The following ADGRD1 variants were observed in gnomAD, a reference collection of about 807,000 sequenced individuals.
The protein encoded by ADGRD1 is adhesion G protein-coupled receptor D1.
A neutral mutation model predicts 113.4 loss-of-function variants in ADGRD1; 77 were observed. That is an observed-to-expected ratio of 0.68 (90% CI 0.57 to 0.82). The LOEUF (loss-of-function observed/expected upper bound fraction) is 0.82. ADGRD1 is among the 40% of genes least tolerant of loss of function. The pLI, the probability that ADGRD1 is intolerant of heterozygous loss-of-function variation, is 0.00. For missense variants in ADGRD1, 1,036 were observed against 1,139.1 expected (o/e 0.91, Z 1.30); for synonymous variants, 474 against 475.0 (o/e 1.00, Z 0.03).
chr12:130,958,200 A>G (rs1356924809), intron 2 of ADGRD1, among the ~76,000 whole-genome samples: 1 of 43,742 alleles, frequency 2.3e-5, no homozygotes, highest in Non-Finnish European at 3.7e-5. Flanking sequence ...ATCCTATCCA[A>G]TCCTTTCTTT....
chr12:131,055,504 G>C (rs2137061956), intron 13 of ADGRD1, among the ~76,000 whole-genome samples: 1 of 152,290 alleles, frequency 6.6e-6, no homozygotes, highest in Non-Finnish European at 1.5e-5. Flanking sequence ...TATCTTTGAT[G>C]TGTGTTCATT....
rs573449412 is a variant in ADGRD1 at position 131,050,267 on chromosome 12, G to A, written c.1474-26534G>A. Among the ~76,000 whole-genome samples, 1 of 152,178 alleles carries A rather than the reference G, an allele frequency of 6.6e-6. No individual in the cohort carries two copies. Among genetic ancestry groups the A allele is most frequent in the East Asian group, 1.9e-4 (1 of 5,164 alleles). On this transcript the variant is annotated intron_variant, in intron 13 of 24. Transcript: ENST00000261654. The surrounding 1 kb of genome is among the most constrained non-coding windows in gnomAD (Gnocchi z 4.8). ...GAGATTCTCAGTCAGGACATCCGGT[G>A]CTATTCATAGCCAGGAAGTGCTGTT...
chr12:131,030,468 T>G (rs7314800), intron 13 of ADGRD1: 16,263 of 152,730 alleles, frequency 0.11, 1,000 homozygotes, highest in African/African-American at 0.12. Context: ...GCGCAGGCCC[T>G]TCCTCCTGAG....
chr12:130,961,937 C>G (rs1870414483), intron 2 of ADGRD1, among the ~76,000 whole-genome samples: 1 of 152,238 alleles, frequency 6.6e-6, no homozygotes. Flanking sequence ...GGAGGCACTA[C>G]TTAATTTAGA....
At chr12:130,997,458 C>T (rs1875715176) in intron 8 of ADGRD1, among the ~76,000 whole-genome samples, 1 of 122,390 alleles carries the variant, frequency 8.2e-6, no homozygotes, top group Non-Finnish European at 1.7e-5. Flanking sequence ...GGGGCGGTTG[C>T]CAGGCGGAGG....
chr12:131,003,251 C>G lies in ADGRD1; in HGVS notation c.1093C>G (p.Leu365Val), dbSNP rs1348790467. The G allele has an allele frequency of 1.2e-6, 2 of 1,614,098 alleles. No individual in the cohort carries two copies. Among genetic ancestry groups the G allele is most frequent in the East Asian group, 2.2e-5 (1 of 44,882 alleles). The change falls in exon 10 of 25, where the codon CTG becomes GTG. Residue 365 changes from leucine (L) to valine (V), a missense_variant. Coordinates refer to ENST00000261654, the MANE Select transcript of ADGRD1 (RefSeq NM_198827.5). The surrounding 1 kb of genome is among the most constrained non-coding windows in gnomAD (Gnocchi z 4.8). ...CGTCATGGGCCATGTATCCTCCAACCTGCACGGCAGCACGCCCCAGGTCAC... is the reference window on the plus strand; with the variant it reads ...CGTCATGGGCCATGTATCCTCCAACGTGCACGGCAGCACGCCCCAGGTCAC... ...DTVMGHVSSNLHGSTPQVTVE... is the reference protein window; with the variant it reads ...DTVMGHVSSNVHGSTPQVTVE...
chr12:131,070,899 G>A (rs770028507), intron 13 of ADGRD1: 1 of 519,056 alleles, frequency 1.9e-6, no homozygotes, highest in Non-Finnish European at 3.8e-6. Flanking sequence ...GGGTGAGTCT[G>A]CCATCCAGGA....
At chr12:131,001,646 A>C (rs1201925753) in intron 9 of ADGRD1, among the ~76,000 whole-genome samples, 1 of 152,230 alleles carries the variant, frequency 6.6e-6, no homozygotes, top group Non-Finnish European at 1.5e-5. Flanking sequence ...TCTGCCATGC[A>C]AAGTCCAGAG....
chr12:131,082,439 C>T, intron 14 of ADGRD1, among the ~76,000 whole-genome samples: 1 of 152,194 alleles, frequency 6.6e-6, no homozygotes, highest in African/African-American at 2.4e-5. Context: ...ACTCCTCTGG[C>T]TAACTAGGTC....
chr12:130,980,107 C>CTTTT (rs1872770062), intron 4 of ADGRD1, among the ~76,000 whole-genome samples: 5 of 150,688 alleles, frequency 3.3e-5, no homozygotes, highest in Non-Finnish European at 5.9e-5. Context: ...TTTGCGGTTC[C>CTTTT]TCTTTTTTTT....
rs950051822 is a variant in ADGRD1, at chr12:131,120,154, C to T, written c.2109-693C>T. 3.9e-5 allele frequency among the ~76,000 whole-genome samples: 6 copies of T among 152,296 alleles called. No homozygotes were observed. The South Asian group carries it at 6.2e-4, about 16-fold the overall frequency. ...CCACATTGGGTGCCAGTGAGGACTG[C>T]GCCACGCACCTGCCCAGATCCAATT... On this transcript the variant is annotated intron_variant, in intron 19 of 24. Coordinates refer to ENST00000261654, the MANE Select transcript of ADGRD1 (RefSeq NM_198827.5).
Position 130,990,827 on chromosome 12 carries a change from C to CAT in ADGRD1, c.746-187_746-186insAT. On this transcript the variant is annotated intron_variant, in intron 6 of 24. Coordinates refer to ENST00000261654, the MANE Select transcript of ADGRD1 (RefSeq NM_198827.5). ...GAAAAGTAATGTGACCTGGGAAAATCTATACGGTCGACTCAGTCAGCTGAT... is the reference window on the plus strand; with the variant it reads ...GAAAAGTAATGTGACCTGGGAAAATCATTATACGGTCGACTCAGTCAGCTGAT... 5.7e-6 allele frequency: 3 copies of CAT among 526,484 alleles called. No individual in the cohort carries two copies. In the South Asian group the frequency reaches 8.1e-5, roughly 14 times the overall value. 32.6% of individuals were successfully genotyped at this position (526,484 alleles called of 1,614,324 possible). A position where few individuals can be genotyped will look rare whatever the true frequency, so the allele number is the denominator to read the frequency against.
intron 20 of ADGRD1, among the ~76,000 whole-genome samples, chr12:131,122,524 C>T (rs1342303485): frequency 6.6e-6 from 1 of 152,278 alleles, no homozygotes; most frequent in East Asian, 1.9e-4. Flanking sequence ...TCTGGGAGGA[C>T]CATTCATTTT....
chr12:131,123,944 T>G (rs911672509), intron 20 of ADGRD1, among the ~76,000 whole-genome samples: 9 of 152,258 alleles, frequency 5.9e-5, no homozygotes, highest in African/African-American at 2.2e-4. Flanking sequence ...TCCATTGATT[T>G]GCACATTGTC....
chr12:131,084,962 C>T lies in ADGRD1; in HGVS notation c.1671+299C>T, dbSNP rs1363721895. ...GGATCCAAGGAGGGACCCCTCATCC[C>T]TCCATCTGTCCCTCTGGCAGATTCT... On this transcript the variant is annotated intron_variant, in intron 15 of 24. Coordinates refer to ENST00000261654, the MANE Select transcript of ADGRD1 (RefSeq NM_198827.5). The surrounding 1 kb of genome is among the most constrained non-coding windows in gnomAD (Gnocchi z 4.5). 6.6e-6 allele frequency among the ~76,000 whole-genome samples: 1 copy of T among 152,246 alleles called. No homozygotes were observed. Among genetic ancestry groups the T allele is most frequent in the Non-Finnish European group, 1.5e-5 (1 of 68,046 alleles).
At chr12:131,135,924 T>C in intron 21 of ADGRD1, 113 bp from the exon 22 acceptor site, 3 of 1,158,258 alleles carry the variant, frequency 2.6e-6, no homozygotes, top group Non-Finnish European at 3.7e-6. Flanking sequence ...CAGGTCTTGC[T>C]CCCGGCAGGG....
chr12:130,957,254 C>T (rs985162947), intron 2 of ADGRD1: 1 of 152,452 alleles, frequency 6.6e-6, no homozygotes, highest in African/African-American at 2.4e-5. Context: ...ACAGACTACA[C>T]ACATCCACAT....
chr12:131,108,965 G>T, intron 18 of ADGRD1, 88 bp downstream of exon 18: 1 of 514,124 alleles, frequency 1.9e-6, no homozygotes, highest in Non-Finnish European at 3.3e-6. Flanking sequence ...GGATGAGACA[G>T]GTGGAAGTGG....
chr12:131,085,489 G>A (rs1156381194), intron 15 of ADGRD1, among the ~76,000 whole-genome samples: 8 of 152,136 alleles, frequency 5.3e-5, no homozygotes, highest in Non-Finnish European at 1.0e-4. Flanking sequence ...TTTCATTCTA[G>A]ATGCATACGA....
Sources: allele counts gnomAD v4.1 joint callset (sites outside exome capture counted in the v4.1 genomes callset), GRCh38; gene constraint gnomAD v4.1.1; non-coding constraint Gnocchi (gnomAD v3.1); transcripts MANE v1.5; gene names NCBI Gene and HGNC (gene_info 2026-07-23, HGNC 2026-07-21).